Variants in ARHGAP39 observed in about 807,000 individuals in gnomAD.
The protein encoded by ARHGAP39 is Rho GTPase activating protein 39, also known as rho GTPase-activating protein 39.
A neutral mutation model predicts 106.9 loss-of-function variants in ARHGAP39; 44 were observed. That is an observed-to-expected ratio of 0.41 (90% CI 0.32 to 0.53). The LOEUF is 0.53. Among genes scored for constraint, ARHGAP39 ranks in the 20% least tolerant of loss-of-function variants. ARHGAP39 has a pLI of 0.21. For missense variants in ARHGAP39, 1,496 were observed against 1,577.3 expected (o/e 0.95, Z 0.87); for synonymous variants, 768 against 693.2 (o/e 1.11, Z -1.69).
chr8:144,596,577 T>C (rs1434735811), intron 2 of ARHGAP39, among the ~76,000 whole-genome samples: 4 of 152,108 alleles, frequency 2.6e-5, no homozygotes, highest in Non-Finnish European at 5.9e-5. Context: ...GAGGGCTGCA[T>C]GGAGGGGGTG....
intron 1 of ARHGAP39, among the ~76,000 whole-genome samples, chr8:144,621,128 C>T (rs1451246816): frequency 6.6e-6 from 1 of 152,282 alleles, no homozygotes; most frequent in Non-Finnish European, 1.5e-5. Flanking sequence ...CAGCTGCCTG[C>T]CCTGTTAGCA....
At chr8:144,698,228 G>A in the ARHGAP39 span, among the ~76,000 whole-genome samples, 7 of 152,064 alleles carry the variant, frequency 4.6e-5, no homozygotes, top group African/African-American at 1.7e-4. Flanking sequence ...TCTCTTTCTT[G>A]CCTTTTCTCT....
At position 144,547,850 on chromosome 8, in the gene ARHGAP39, G is replaced by A. The variant is rs751270632; in HGVS notation, c.1236C>T (p.Ala412=). ...EQAGSSPKLR[A]GPRHKYAPNP... The stretch of plus-strand genomic sequence containing the variant: ...TGGGCGCGTACTTGTGCCGCGGGCC[G>A]GCGCGCAGCTTGGGGCTGGAGCCCG... Residue 412 remains alanine (A), a synonymous_variant, in exon 5 of 12, where the codon GCC becomes GCT. Transcript: ENST00000377307. The surrounding 1 kb of genome is among the most constrained non-coding windows in gnomAD (Gnocchi z 5.2). The A allele has an allele frequency of 4.5e-5, 72 of 1,587,070 alleles. No individual in the cohort carries two copies. The highest frequency in any genetic ancestry group is 3.3e-4 in the Middle Eastern group (2 of 6,038).
intron 1 of ARHGAP39, among the ~76,000 whole-genome samples, chr8:144,683,734 T>C (rs1053425047): frequency 1.3e-5 from 2 of 152,182 alleles, no homozygotes; most frequent in Non-Finnish European, 2.9e-5. Flanking sequence ...TTTATAAACA[T>C]GTGTTCATCC....
intron 1 of ARHGAP39, among the ~76,000 whole-genome samples, chr8:144,610,504 A>C (rs761072924): frequency 6.6e-6 from 1 of 151,820 alleles, no homozygotes; most frequent in Non-Finnish European, 1.5e-5. Context: ...GAGATCAGGA[A>C]ATTGAGACCA....
chr8:144,594,334 T>C (rs185126457), intron 2 of ARHGAP39, among the ~76,000 whole-genome samples: 25 of 152,300 alleles, frequency 1.6e-4, no homozygotes, highest in Admixed American at 1.6e-3. Flanking sequence ...CTTTATACAC[T>C]GCTGGTGGGA....
At chr8:144,628,339 T>C (rs1049398942) in intron 1 of ARHGAP39, among the ~76,000 whole-genome samples, 2 of 151,758 alleles carry the variant, frequency 1.3e-5, no homozygotes, top group Non-Finnish European at 2.9e-5. Context: ...CAGGGGACAC[T>C]CATGAGAGCT....
In ARHGAP39 at chr8:144,605,657, C is replaced by T; in HGVS notation, c.-43G>A. ...CCCACGTGGACAGACGTCAGGGCAC[C>T]ATACGCACAACGCCAGCATCAGACG... On this transcript the variant is annotated 5_prime_UTR_variant, in exon 2 of 12. The change abolishes an upstream ATG in the 5' untranslated region. Transcript: ENST00000377307. 1 of 1,595,924 alleles carries T rather than the reference C, an allele frequency of 6.3e-7. No homozygotes were observed. The highest frequency in any genetic ancestry group is 1.3e-5 in the African/African-American group (1 of 74,800).
At position 144,605,572 on chromosome 8, in the gene ARHGAP39, C is replaced by T. The variant is rs200377993; in HGVS notation, c.43G>A (p.Asp15Asn). ...QDYECRSHNV[D>N]LPESRIPGSN... Reference sequence around the variant, plus strand: ...CCTGGAATCCTCGACTCCGGCAGGTCGACATTATGGCTCCTGCACTCGTAG... The same window carrying T: ...CCTGGAATCCTCGACTCCGGCAGGTTGACATTATGGCTCCTGCACTCGTAG... Residue 15 changes from aspartate (D) to asparagine (N), a missense_variant, in exon 2 of 12, where the codon GAC (aspartate) becomes AAC (asparagine). Physicochemically the swap from Asp to Asn is conservative, Grantham distance 23. This residue lies in a region of ARHGAP39 where 96 missense variants were observed against 107.9 expected (regional missense o/e 0.89). Coordinates refer to ENST00000377307, the MANE Select transcript of ARHGAP39 (RefSeq NM_025251.3). 12 of 1,613,802 alleles carry T rather than the reference C, an allele frequency of 7.4e-6. No individual in the cohort carries two copies. In the South Asian group the frequency reaches 8.8e-5, roughly 12 times the overall value.
rs973111096 is a variant in ARHGAP39, at chr8:144,585,060, A to C, written c.81-3783T>G. Among the ~76,000 whole-genome samples the C allele has an allele frequency of 6.6e-6, 1 of 152,150 alleles. No homozygotes were observed. The highest frequency in any genetic ancestry group is 1.5e-5 in the Non-Finnish European group (1 of 68,026). ...GCATCTCAGTGGAACTTTGGTCTCC[A>C]CCCAGAGCCAAGGTGTCTCCCTCCA... On this transcript the variant is annotated intron_variant, in intron 2 of 11. Transcript: ENST00000377307. The surrounding 1 kb of genome is among the most constrained non-coding windows in gnomAD (Gnocchi z 4.6).
intron 8 of ARHGAP39, among the ~76,000 whole-genome samples, chr8:144,533,557 T>G (rs946127166): frequency 6.6e-6 from 1 of 151,986 alleles, no homozygotes; most frequent in Non-Finnish European, 1.5e-5. Context: ...TGCCTCCCCC[T>G]CCTCTCATCC....
intron 1 of ARHGAP39, among the ~76,000 whole-genome samples, chr8:144,611,007 T>C (rs912408844): frequency 2.0e-5 from 3 of 152,012 alleles, no homozygotes; most frequent in African/African-American, 7.2e-5. Flanking sequence ...TTAGTAGAGA[T>C]GGGGTTTCAC....
intron 1 of ARHGAP39, among the ~76,000 whole-genome samples, chr8:144,675,803 T>G (rs559340902): frequency 6.6e-6 from 1 of 152,246 alleles, no homozygotes; most frequent in African/African-American, 2.4e-5. Context: ...GCTGCAGACC[T>G]TCGTGGTTAG....
At chr8:144,536,008 G>A (rs1816938136) in intron 7 of ARHGAP39, among the ~76,000 whole-genome samples, 1 of 152,216 alleles carries the variant, frequency 6.6e-6, no homozygotes. Flanking sequence ...AGGTGGGGAT[G>A]ACTGCACTCA....
chr8:144,616,415 C>T (rs1563709924), intron 1 of ARHGAP39, among the ~76,000 whole-genome samples: 3 of 152,242 alleles, frequency 2.0e-5, no homozygotes, highest in Admixed American at 6.5e-5. Flanking sequence ...CATGGAAGGG[C>T]TTTGTAAATG....
chr8:144,575,464 C>G (rs766339693), intron 3 of ARHGAP39, among the ~76,000 whole-genome samples: 29 of 151,700 alleles, frequency 1.9e-4, no homozygotes, highest in Middle Eastern at 3.4e-3. Flanking sequence ...TTTAAAATTT[C>G]TTAAACTGAC....
At chr8:144,619,774 G>C (rs575643384) in intron 1 of ARHGAP39, among the ~76,000 whole-genome samples, 1 of 151,186 alleles carries the variant, frequency 6.6e-6, no homozygotes, top group African/African-American at 2.4e-5. Context: ...CCGTGTGTGT[G>C]AGCCTGTGTC....
chr8:144,652,791 G>C (rs1202929134), intron 1 of ARHGAP39, among the ~76,000 whole-genome samples: 1 of 152,026 alleles, frequency 6.6e-6, no homozygotes, highest in Non-Finnish European at 1.5e-5. Flanking sequence ...AGGGAGAGGA[G>C]CATAAAGGAT....
intron 2 of ARHGAP39, among the ~76,000 whole-genome samples, chr8:144,583,665 C>A (rs1324256650): frequency 1.4e-4 from 21 of 152,352 alleles, no homozygotes; most frequent in Non-Finnish European, 1.5e-5. Flanking sequence ...GGCTGGAATT[C>A]TATTCTGAGA....
Sources: allele counts gnomAD v4.1 joint callset (sites outside exome capture counted in the v4.1 genomes callset), GRCh38; gene constraint gnomAD v4.1.1; regional missense constraint gnomAD v4.1.1; non-coding constraint Gnocchi (gnomAD v3.1); transcripts MANE v1.5; gene names NCBI Gene and HGNC (gene_info 2026-07-23, HGNC 2026-07-21).